The following AGO1 variants were observed in gnomAD, a reference collection of about 807,000 sequenced individuals.
AGO1 encodes protein argonaute-1.
In AGO1, 11 loss-of-function variants were observed where a neutral mutation model predicts 109.2. The ratio of observed to expected loss-of-function variants is 0.10; its 90% CI spans 0.06 to 0.17. The LOEUF (loss-of-function observed/expected upper bound fraction) is 0.17, where lower values mean the gene tolerates loss of function less well. Ranked by LOEUF, AGO1 falls within the 10% of genes least tolerant of loss-of-function variation. The pLI is 1.00. For missense variants in AGO1, 574 were observed against 1,140.3 expected, an observed-to-expected ratio of 0.50 and a Z score of 7.15; for synonymous variants, 422 against 418.6, an observed-to-expected ratio of 1.01 and a Z score of -0.10.
At chr1:35,887,170 C>T (rs906793589) in intron 1 of AGO1, among the ~76,000 whole-genome samples, 2 of 152,098 alleles carry the variant, frequency 1.3e-5, no homozygotes, top group Non-Finnish European at 2.9e-5. Flanking sequence ...TAGAGGGAAA[C>T]AGAGCAGCTT....
At position 35,883,331 on chromosome 1, in the gene AGO1, G is replaced by C; in HGVS notation, c.-91G>C. The stretch of plus-strand genomic sequence containing the variant: ...GGTAGGGGAGCCGAGCCCGGCCCGG[G>C]ATCCCGAGCAGCGAGAGTGTGGGGT... On this transcript the variant is annotated 5_prime_UTR_variant, in exon 1 of 19. Transcript: ENST00000373204. The surrounding 1 kb of genome is among the most constrained non-coding windows in gnomAD (Gnocchi z 5.4). 6.5e-7 allele frequency: 1 copy of C among 1,530,278 alleles called. No individual in the cohort carries two copies. The highest frequency in any genetic ancestry group is 8.7e-7 in the Non-Finnish European group (1 of 1,145,952). 94.8% of individuals were successfully genotyped at this position (1,530,278 alleles called of 1,614,324 possible).
upstream of AGO1, among the ~76,000 whole-genome samples, chr1:35,881,353 TC>T (rs1245368736): frequency 6.6e-6 from 1 of 152,002 alleles, no homozygotes; most frequent in East Asian, 1.9e-4. Flanking sequence ...GGAGTTTCAC[TC>T]TTGTTGCCCA....
At chr1:35,877,020 C>T (rs1644998008) in intron 1 of AGO1, among the ~76,000 whole-genome samples, 1 of 152,154 alleles carries the variant, frequency 6.6e-6, no homozygotes, top group Admixed American at 6.5e-5. Flanking sequence ...GCAGCCTGTC[C>T]AAAGCTGCTA....
chr1:35,902,228 C>A lies in AGO1; in HGVS notation c.1288C>A (p.Gln430Lys). The A allele has an allele frequency of 6.2e-7, 1 of 1,614,114 alleles. No homozygotes were observed. The highest frequency in any genetic ancestry group is 8.5e-7 in the Non-Finnish European group (1 of 1,179,990). The part of the protein sequence containing the change: ...GRNRAIATPN[Q>K]GVWDMRGKQF... ...GAACCGGGCCATTGCCACACCCAAT[C>A]AGGGTGTCTGGGACATGCGGGGGAA... Residue 430 changes from glutamine (Q) to lysine (K), a missense_variant, in exon 11 of 19, where the codon CAG (glutamine) becomes AAG (lysine). By Grantham distance (53) the Gln-to-Lys change is moderately conservative. Around this residue, in one of 8 missense-constraint regions of AGO1, gnomAD observed 106 missense variants for 147.8 expected, o/e 0.72. Coordinates refer to ENST00000373204, the MANE Select transcript of AGO1 (RefSeq NM_012199.5).
chr1:35,898,980 C>T (rs1221212007), intron 8 of AGO1, among the ~76,000 whole-genome samples: 1 of 152,132 alleles, frequency 6.6e-6, no homozygotes. Flanking sequence ...GTTGTACAAC[C>T]ATCACCATGA....
At position 35,929,976 on chromosome 1, in the gene AGO1, T is replaced by C. The variant is rs1420152307; in HGVS notation, c.*10369T>C. 6.6e-6 allele frequency: 1 copy of C among 152,150 alleles called. No homozygotes were observed. Among genetic ancestry groups the C allele is most frequent in the Admixed American group, 6.5e-5 (1 of 15,280 alleles). The allele number at this position is 152,150 out of a possible 1,614,324, so 9.4% of individuals were successfully genotyped here. Reference sequence around the variant, plus strand: ...GGGGAACTGAAGATAGGATATTCTTTCTCCTTTTCCTCTTTAAAAAATTAT... The same window carrying C: ...GGGGAACTGAAGATAGGATATTCTTCCTCCTTTTCCTCTTTAAAAAATTAT... On this transcript the variant is annotated 3_prime_UTR_variant, in exon 19 of 19. Transcript: ENST00000373204.
chr1:35,884,569 GT>G (rs1481575105), intron 1 of AGO1, among the ~76,000 whole-genome samples: 2 of 151,824 alleles, frequency 1.3e-5, no homozygotes, highest in Non-Finnish European at 2.9e-5. Flanking sequence ...ATATCTTTCC[GT>G]TTTCCTCTCC....
Position 35,906,913 on chromosome 1 carries a change from TTGTGACCATGCG to T in AGO1, c.1398-17_1398-6del. On this transcript the variant is annotated splice_polypyrimidine_tract_variant and intron_variant, in intron 11 of 18. Transcript: ENST00000373204. ...ATTCAAGTGAGACTCACTGCCTCCT[TTGTGACCATGCG>T]TGTGTACAGGAACTTCACAGACCAG... 1.3e-6 allele frequency: 2 copies of T among 1,595,608 alleles called. No homozygotes were observed. The highest frequency in any genetic ancestry group is 2.3e-5 in the South Asian group (2 of 88,340).
chr1:35,907,854 G>A (rs572867818), intron 12 of AGO1, among the ~76,000 whole-genome samples: 2 of 152,326 alleles, frequency 1.3e-5, no homozygotes, highest in Admixed American at 6.5e-5. Flanking sequence ...GCCTGGTACA[G>A]TGGTTCACAC....
At chr1:35,911,195 A>G (rs1334166783) in intron 12 of AGO1, among the ~76,000 whole-genome samples, 1 of 152,238 alleles carries the variant, frequency 6.6e-6, no homozygotes, top group African/African-American at 2.4e-5. Context: ...TCCTTTCACC[A>G]GCAGTGTATA....
At chr1:35,894,268 A>G (rs1408903171) in intron 6 of AGO1, 47 bp from the exon 7 acceptor site, 2 of 1,610,782 alleles carry the variant, frequency 1.2e-6, no homozygotes, top group East Asian at 2.2e-5. Flanking sequence ...AAGCCTGGGC[A>G]CATGAGCAAC....
rs375898016 is a variant in AGO1 at position 35,901,125 on chromosome 1, C to T, written c.1021-349C>T. 5.9e-5 allele frequency among the ~76,000 whole-genome samples: 9 copies of T among 151,792 alleles called. No homozygotes were observed. Among genetic ancestry groups the T allele is most frequent in the East Asian group, 5.9e-4 (3 of 5,062 alleles). On this transcript the variant is annotated intron_variant, in intron 8 of 18. Transcript: ENST00000373204. This position sits in a 1 kb window ranked among gnomAD's most constrained non-coding sequence, Gnocchi z 4.8. ...CCTCCTGAGTAGCTGGGATTACAGG[C>T]GCACGCCACCATGCCTGGCTAATTT... is the stretch of plus-strand genomic sequence containing the variant.
intron 1 of AGO1, among the ~76,000 whole-genome samples, chr1:35,877,596 C>A (rs1432083828): frequency 1.3e-5 from 2 of 152,150 alleles, no homozygotes; most frequent in Admixed American, 1.3e-4. Context: ...GGCCACTAAC[C>A]ACATGTATTA....
chr1:35,892,174 C>G (rs1323172034), intron 2 of AGO1, among the ~76,000 whole-genome samples: 1 of 152,212 alleles, frequency 6.6e-6, no homozygotes, highest in African/African-American at 2.4e-5. Context: ...TGTGAGCCAC[C>G]ATACTTAGCC....
At chr1:35,889,968 G>A (rs1645187713) in intron 2 of AGO1, among the ~76,000 whole-genome samples, 1 of 151,812 alleles carries the variant, frequency 6.6e-6, no homozygotes, top group Admixed American at 6.6e-5. Flanking sequence ...GCCTACCTAG[G>A]CCTCCCAAAG....
At chr1:35,894,634 A>G (rs1645285957) in intron 7 of AGO1, among the ~76,000 whole-genome samples, 1 of 152,092 alleles carries the variant, frequency 6.6e-6, no homozygotes, top group Non-Finnish European at 1.5e-5. Context: ...TTGGTTCCTT[A>G]CTTGAGAACA....
chr1:35,902,426 A>G (rs1435633304), intron 11 of AGO1, 89 bp downstream of exon 11: 4 of 1,510,154 alleles, frequency 2.6e-6, no homozygotes, highest in South Asian at 1.3e-5. Flanking sequence ...GATATTGATC[A>G]GTAATGTGTT....
At position 35,927,731 on chromosome 1, in the gene AGO1, A is replaced by G. The variant is rs1645957080; in HGVS notation, c.*8124A>G. On this transcript the variant is annotated 3_prime_UTR_variant, in exon 19 of 19. Coordinates refer to ENST00000373204, the MANE Select transcript of AGO1 (RefSeq NM_012199.5). ...AGAAAGGAGATAAGGGCTGTTGGAT[A>G]AGCAGCATCTGGTCTCAAAGGTACT... 6.6e-6 allele frequency: 1 copy of G among 152,232 alleles called. No individual in the cohort carries two copies. Among genetic ancestry groups the G allele is most frequent in the Non-Finnish European group, 1.5e-5 (1 of 68,044 alleles). 9.4% of individuals were successfully genotyped at this position (152,232 alleles called of 1,614,324 possible).
In AGO1 at chr1:35,919,755, G is replaced by A; in HGVS notation, c.*148G>A. On this transcript the variant is annotated 3_prime_UTR_variant, in exon 19 of 19. Coordinates refer to ENST00000373204, the MANE Select transcript of AGO1 (RefSeq NM_012199.5). This position sits in a 1 kb window ranked among gnomAD's most constrained non-coding sequence, Gnocchi z 6.6. ...GTTTCCTTCTATAGAGGTGGTGTAA[G>A]AGTGGGGAACAGGGCCAGCAAGACA... is the stretch of plus-strand genomic sequence containing the variant. 1.4e-6 allele frequency: 1 copy of A among 691,010 alleles called. No homozygotes were observed. The highest frequency in any genetic ancestry group is 1.9e-5 in the South Asian group (1 of 51,580). The allele number at this position is 691,010 out of a possible 1,614,324, so 42.8% of individuals were successfully genotyped here. A position where few individuals can be genotyped will look rare whatever the true frequency, so the allele number is the denominator to read the frequency against.
Sources: allele counts gnomAD v4.1 joint callset (sites outside exome capture counted in the v4.1 genomes callset), GRCh38; gene constraint gnomAD v4.1.1; regional missense constraint gnomAD v4.1.1; non-coding constraint Gnocchi (gnomAD v3.1); transcripts MANE v1.5; gene names NCBI Gene and HGNC (gene_info 2026-07-23, HGNC 2026-07-21).